Variants in LCORL observed in about 807,000 individuals in gnomAD.
LCORL encodes the protein ligand-dependent nuclear receptor corepressor-like protein.
Under a neutral mutation model 141.8 loss-of-function variants are expected in LCORL, and 41 were observed. The observed-to-expected ratio is 0.29, with a 90% CI of 0.23 to 0.38. LCORL has a LOEUF of 0.38. LCORL is among the 10% of genes least tolerant of loss of function. LCORL has a pLI of 1.00. For synonymous variants in LCORL, 618 were observed against 694.1 expected (o/e 0.89, Z 1.72); for missense variants, 1,759 against 2,035.0 (o/e 0.86, Z 2.61).
At chr4:18,010,438 A>G (rs1190514253) in intron 1 of LCORL, among the ~76,000 whole-genome samples, 1 of 151,812 alleles carries the variant, frequency 6.6e-6, no homozygotes, top group African/African-American at 2.4e-5. Context: ...GTATGTATAT[A>G]TGTATGTATG....
At chr4:17,934,785 T>C (rs1349218794) in intron 4 of LCORL, among the ~76,000 whole-genome samples, 2 of 152,202 alleles carry the variant, frequency 1.3e-5, no homozygotes, top group East Asian at 3.8e-4. Flanking sequence ...CTGGCACTTC[T>C]TTACTACTAG....
intron 6 of LCORL, among the ~76,000 whole-genome samples, chr4:17,879,145 T>TA (rs1440094525): frequency 1.3e-5 from 2 of 150,612 alleles, no homozygotes; most frequent in African/African-American, 4.9e-5. Context: ...ATAATGCTGA[T>TA]TATGAACTAC....
chr4:17,876,523 C>G, exon 7 of LCORL: 1 of 1,230,812 alleles, frequency 8.1e-7, no homozygotes, highest in Non-Finnish European at 1.0e-6. Flanking sequence ...TTGTTTAGGT[C>G]TATATTGTGT....
intron 7 of LCORL, among the ~76,000 whole-genome samples, chr4:17,857,017 C>T (rs980418787): frequency 2.6e-5 from 4 of 152,100 alleles, no homozygotes; most frequent in East Asian, 1.9e-4. Flanking sequence ...CTGCAGTACT[C>T]GGCACATAGA....
intron 7 of LCORL, among the ~76,000 whole-genome samples, chr4:17,870,742 C>A (rs1726247142): frequency 6.6e-6 from 1 of 152,068 alleles, no homozygotes; most frequent in African/African-American, 2.4e-5. Flanking sequence ...CTATTTGAAC[C>A]TTCCACAGTG....
chr4:17,877,161 G>T, exon 7 of LCORL: 1 of 1,230,648 alleles, frequency 8.1e-7, no homozygotes, highest in Non-Finnish European at 1.0e-6. Flanking sequence ...TGCAAATAAA[G>T]TTTCTTGACG....
intron 7 of LCORL, among the ~76,000 whole-genome samples, chr4:17,873,156 C>CTG (rs1726557808): frequency 6.6e-6 from 1 of 151,956 alleles, no homozygotes; most frequent in African/African-American, 2.4e-5. Flanking sequence ...TATGTCTCTA[C>CTG]TATATATATT....
At chr4:17,915,195 G>C in intron 4 of LCORL, among the ~76,000 whole-genome samples, 1 of 151,938 alleles carries the variant, frequency 6.6e-6, no homozygotes, top group Middle Eastern at 3.4e-3. Context: ...CCATAACTAT[G>C]AGCAGTCCCA....
chr4:17,949,610 T>C lies in LCORL; in HGVS notation c.430+12293A>G, dbSNP rs1425215055. Among the ~76,000 whole-genome samples the C allele has an allele frequency of 2.0e-5, 3 of 152,172 alleles. No homozygotes were observed. In the East Asian group the frequency reaches 5.8e-4, roughly 29 times the overall value. ...TTTTACTGAGGGAATTCTGCTCAAC[T>C]GTTATCACTATTGTAAAGCCTGTAT... is the stretch of plus-strand genomic sequence containing the variant. On this transcript the variant is annotated intron_variant, in intron 4 of 7. Transcript: ENST00000635767.
intron 4 of LCORL, among the ~76,000 whole-genome samples, chr4:17,950,639 C>A (rs1022298926): frequency 6.6e-6 from 1 of 151,888 alleles, no homozygotes; most frequent in Non-Finnish European, 1.5e-5. Flanking sequence ...GAAATGTTGA[C>A]CATAAAGCAA....
At chr4:17,903,959 A>G (rs1445576634) in intron 5 of LCORL, among the ~76,000 whole-genome samples, 1 of 152,078 alleles carries the variant, frequency 6.6e-6, no homozygotes, top group East Asian at 1.9e-4. Flanking sequence ...AACAAGATGG[A>G]AGAAAACCCT....
rs1713180485 is a variant in LCORL, at chr4:17,958,706, C to A, written c.430+3197G>T. On this transcript the variant is annotated intron_variant, in intron 4 of 7. Transcript: ENST00000635767. ...AAAACGAACAAAGGAAGTACTAATA[C>A]TACCGAATATTCTGAGAAACTGAAA... Among the ~76,000 whole-genome samples the A allele has an allele frequency of 2.6e-5, 4 of 152,058 alleles. No homozygotes were observed. In the South Asian group the frequency reaches 8.3e-4, roughly 31 times the overall value.
At chr4:17,976,705 ATT>A (rs1717059720) in intron 1 of LCORL, among the ~76,000 whole-genome samples, 2 of 152,122 alleles carry the variant, frequency 1.3e-5, no homozygotes, top group African/African-American at 2.4e-5. Flanking sequence ...AGACAAAATC[ATT>A]TGTCTCAATT....
chr4:17,951,768 G>A (rs1432065912), intron 4 of LCORL, among the ~76,000 whole-genome samples: 1 of 152,104 alleles, frequency 6.6e-6, no homozygotes, highest in East Asian at 1.9e-4. Context: ...TTTTTCTTTT[G>A]TTCACTAGAG....
chr4:17,878,250 A>T, intron 6 of LCORL, 37 bp from the exon 7 acceptor site: 3 of 1,206,826 alleles, frequency 2.5e-6, no homozygotes, highest in Non-Finnish European at 3.1e-6. Flanking sequence ...GAATTGCAGC[A>T]AAAATACCAC....
In LCORL at chr4:18,021,784, A is replaced by ACGAGC. The variant is rs773801515; in HGVS notation, c.-38_-34dup. 6.8e-7 allele frequency: 1 copy of ACGAGC among 1,468,864 alleles called. No individual in the cohort carries two copies. The highest frequency in any genetic ancestry group is 1.4e-5 in the South Asian group (1 of 71,622). 91.0% of individuals were successfully genotyped at this position (1,468,864 alleles called of 1,614,324 possible). A position where few individuals can be genotyped will look rare whatever the true frequency, so the allele number is the denominator to read the frequency against. On this transcript the variant is annotated 5_prime_UTR_variant, in exon 1 of 8. Coordinates refer to ENST00000635767, the Ensembl canonical transcript of LCORL. The surrounding 1 kb of genome is among the most constrained non-coding windows in gnomAD (Gnocchi z 5.5). The stretch of plus-strand genomic sequence containing the variant: ...CCGCGTCACGCGCCCTCATTTACAT[A>ACGAGC]CGAGCAGCGCAGGCACGAGGCAGGG...
chr4:17,998,985 A>AAAAAAAATATATAT (rs1374815646), intron 1 of LCORL, among the ~76,000 whole-genome samples: 2 of 57,892 alleles, frequency 3.5e-5, no homozygotes, highest in African/African-American at 1.2e-4. Context: ...AAAAAAAAAA[A>AAAAAAAATATATAT]ATATATATAT....
chr4:17,890,646 AT>A (rs1728938411), intron 5 of LCORL, among the ~76,000 whole-genome samples: 1 of 152,104 alleles, frequency 6.6e-6, no homozygotes, highest in Non-Finnish European at 1.5e-5. Context: ...TAATTTAATT[AT>A]TTCTGACCAA....
chr4:17,982,202 T>C (rs773584885), intron 1 of LCORL, among the ~76,000 whole-genome samples: 24 of 152,086 alleles, frequency 1.6e-4, no homozygotes, highest in Non-Finnish European at 2.5e-4. Context: ...GTTGATTCCA[T>C]GTCTTTACTA....
Sources: gnomAD v4.1 joint callset for allele counts (sites outside exome capture counted in the v4.1 genomes callset) on GRCh38, gnomAD v4.1.1 for gene constraint, Gnocchi (gnomAD v3.1) non-coding constraint, MANE v1.5 for transcripts, NCBI Gene and HGNC (gene_info 2026-07-23, HGNC 2026-07-21) for gene names.